The following STRBP variants were observed in gnomAD, a reference collection of about 807,000 sequenced individuals.
STRBP encodes spermatid perinuclear RNA binding protein, also known as spermatid perinuclear RNA-binding protein.
STRBP carries 13 observed loss-of-function variants against 80.1 expected under a neutral mutation model. The ratio of observed to expected loss-of-function variants is 0.16; its 90% CI spans 0.11 to 0.26. The LOEUF is 0.26. STRBP is among the 10% of genes least tolerant of loss of function. The pLI is 1.00. For synonymous variants in STRBP, 284 were observed against 291.2 expected, an observed-to-expected ratio of 0.98 and a Z score of 0.25; for missense variants, 485 against 815.2, an observed-to-expected ratio of 0.59 and a Z score of 4.93.
At chr9:123,226,154 A>C (rs568402907) in intron 2 of STRBP, among the ~76,000 whole-genome samples, 2 of 152,316 alleles carry the variant, frequency 1.3e-5, no homozygotes, top group African/African-American at 4.8e-5. Flanking sequence ...ACAGAGGCTA[A>C]ATGAAAGAGG....
At chr9:123,230,905 T>C (rs1405117835) in intron 2 of STRBP, among the ~76,000 whole-genome samples, 2 of 152,090 alleles carry the variant, frequency 1.3e-5, no homozygotes, top group East Asian at 3.9e-4. Context: ...AAGCACAGGG[T>C]ATAATAATTG....
At chr9:123,112,521 T>G (rs1309797000) in intron 3 of STRBP, 1 of 167,514 alleles carries the variant, frequency 6.0e-6, no homozygotes, top group African/African-American at 2.4e-5. Context: ...TCCGATGCTC[T>G]GAACGGCAGC....
At chr9:123,258,609 C>G (rs973954301) in intron 1 of STRBP, among the ~76,000 whole-genome samples, 2 of 152,010 alleles carry the variant, frequency 1.3e-5, no homozygotes, top group Non-Finnish European at 2.9e-5. Context: ...CGAGACCATC[C>G]TGGCTAACAC....
chr9:123,233,000 G>A (rs949019223), intron 2 of STRBP, among the ~76,000 whole-genome samples: 1 of 152,182 alleles, frequency 6.6e-6, no homozygotes, highest in Admixed American at 6.5e-5. Context: ...CAAAGACCCT[G>A]AAAAATGCCA....
rs901130811 is a variant in STRBP, at chr9:123,115,724, T to A, written c.*84+205A>T. ...CGTCCAAACTGACATTCCACAGCATTTCCTCTTTGCCGTCCACACAACCGG... is the reference window on the plus strand; with the variant it reads ...CGTCCAAACTGACATTCCACAGCATATCCTCTTTGCCGTCCACACAACCGG... On this transcript the variant is annotated intron_variant and NMD_transcript_variant, in intron 3 of 3. Transcript: ENST00000471564. This position sits in a 1 kb window ranked among gnomAD's most constrained non-coding sequence, Gnocchi z 5.0. 3.0e-6 allele frequency: 1 copy of A among 335,412 alleles called. No individual in the cohort carries two copies. The highest frequency in any genetic ancestry group is 5.9e-6 in the Non-Finnish European group (1 of 170,550). The allele number at this position is 335,412 out of a possible 1,614,324, so 20.8% of individuals were successfully genotyped here.
chr9:123,192,492 C>T (rs1437512883), intron 2 of STRBP, among the ~76,000 whole-genome samples: 1 of 152,042 alleles, frequency 6.6e-6, no homozygotes, highest in Non-Finnish European at 1.5e-5. Flanking sequence ...TATAGTCCGT[C>T]GGGAGGCTGA....
chr9:123,257,722 T>C (rs2041065064), intron 1 of STRBP, among the ~76,000 whole-genome samples: 1 of 152,044 alleles, frequency 6.6e-6, no homozygotes, highest in African/African-American at 2.4e-5. Flanking sequence ...GCAGACTGAA[T>C]GGGAGGACTG....
At chr9:123,199,330 T>A (rs948919302) in intron 2 of STRBP, among the ~76,000 whole-genome samples, 1 of 152,256 alleles carries the variant, frequency 6.6e-6, no homozygotes, top group African/African-American at 2.4e-5. Context: ...TCCAGATTTG[T>A]TATTTTTGCT....
chr9:123,129,574 C>G (rs559835809), intron 17 of STRBP, among the ~76,000 whole-genome samples: 1 of 152,278 alleles, frequency 6.6e-6, no homozygotes. Context: ...CCCTTGAGAA[C>G]AGGATCAATT....
chr9:123,155,523 G>A (rs1235963587), intron 11 of STRBP, among the ~76,000 whole-genome samples: 1 of 152,140 alleles, frequency 6.6e-6, no homozygotes, highest in Non-Finnish European at 1.5e-5. Context: ...CAAGGATCAT[G>A]TAATACAAGC....
In STRBP at chr9:123,187,388, G is replaced by C. The variant is rs565614755; in HGVS notation, c.-164-3090C>G. Among the ~76,000 whole-genome samples, 25 of 151,962 alleles carry C rather than the reference G, an allele frequency of 1.6e-4. No individual in the cohort carries two copies. In the South Asian group the frequency reaches 4.8e-3, roughly 29 times the overall value. ...TCTCACCCATGAAATGGGCTGACTAGTATCTACTCCAAACTAAATGGACAG... is the reference window on the plus strand; with the variant it reads ...TCTCACCCATGAAATGGGCTGACTACTATCTACTCCAAACTAAATGGACAG... On this transcript the variant is annotated intron_variant, in intron 2 of 18. Coordinates refer to ENST00000348403, the MANE Select transcript of STRBP (RefSeq NM_018387.5).
At chr9:123,223,056 T>TAGAC (rs753329357) in intron 2 of STRBP, among the ~76,000 whole-genome samples, 1 of 122,096 alleles carries the variant, frequency 8.2e-6, no homozygotes, top group African/African-American at 2.8e-5. Context: ...AGATGATAGA[T>TAGAC]AGATAGATAG....
chr9:123,225,693 T>C (rs1192669696), intron 2 of STRBP, among the ~76,000 whole-genome samples: 2 of 152,188 alleles, frequency 1.3e-5, no homozygotes, highest in African/African-American at 2.4e-5. Flanking sequence ...CGATTCAACC[T>C]CGTCTGTGCC....
chr9:123,169,292 C>T (rs2132423669), intron 6 of STRBP, among the ~76,000 whole-genome samples: 1 of 151,998 alleles, frequency 6.6e-6, no homozygotes, highest in African/African-American at 2.4e-5. Flanking sequence ...TCTCAGCCTC[C>T]CGAGTAGCTG....
In STRBP at chr9:123,179,157, G is replaced by A. The variant is rs2038347813; in HGVS notation, c.74C>T (p.Pro25Leu). ...ATTCTGAACAGCTTCAAGTTCCTCC[G>A]GAGATGGATAGATTGTTGAATGTTT... is the stretch of plus-strand genomic sequence containing the variant. ...MVKHSTIYPS[P>L]EELEAVQNMV... The change falls in exon 4 of 19, where the codon CCG (proline) becomes CTG (leucine). Residue 25 changes from proline to leucine, a missense_variant. Physicochemically the swap from Pro to Leu is moderately conservative, Grantham distance 98 (BLOSUM62 -3). Transcript: ENST00000348403. 1.9e-6 allele frequency: 3 copies of A among 1,613,672 alleles called. No homozygotes were observed. Among genetic ancestry groups the A allele is most frequent in the Admixed American group, 1.7e-5 (1 of 60,022 alleles).
chr9:123,173,913 T>G, intron 4 of STRBP, 71 bp from the exon 5 acceptor site: 5 of 1,490,052 alleles, frequency 3.4e-6, no homozygotes, highest in Non-Finnish European at 4.5e-6. Flanking sequence ...ATCACTTGGC[T>G]TCCTGAATAC....
downstream of STRBP, among the ~76,000 whole-genome samples, chr9:123,116,771 C>T (rs911019583): frequency 1.9e-4 from 29 of 152,298 alleles, no homozygotes; most frequent in African/African-American, 6.5e-4. Context: ...CACAGCATAG[C>T]CTCAGACGGG....
intron 2 of STRBP, among the ~76,000 whole-genome samples, chr9:123,206,119 G>A (rs188081433): frequency 1.5e-4 from 23 of 152,230 alleles, no homozygotes; most frequent in African/African-American, 5.3e-4. Flanking sequence ...CAATTCCATC[G>A]CTTATAAGGA....
chr9:123,123,586 T>G lies in STRBP; in HGVS notation c.*2011A>C, dbSNP rs1373321788. 5.1e-6 allele frequency: 5 copies of G among 984,468 alleles called. No individual in the cohort carries two copies. The African/African-American group carries it at 8.8e-5, about 17-fold the overall frequency. The allele number at this position is 984,468 out of a possible 1,614,324, so 61.0% of individuals were successfully genotyped here. On this transcript the variant is annotated 3_prime_UTR_variant, in exon 19 of 19. Transcript: ENST00000348403. ...ACCATTTGAAATGACTGCCATCATGTTGGAAAACAGCACAGCTCCCTTTTC... is the reference window on the plus strand; with the variant it reads ...ACCATTTGAAATGACTGCCATCATGGTGGAAAACAGCACAGCTCCCTTTTC...
Sources: gnomAD v4.1 joint callset for allele counts (sites outside exome capture counted in the v4.1 genomes callset) on GRCh38, gnomAD v4.1.1 for gene constraint, Gnocchi (gnomAD v3.1) non-coding constraint, MANE v1.5 for transcripts, NCBI Gene and HGNC (gene_info 2026-07-23, HGNC 2026-07-21) for gene names.